CATSPERB: variants seen among roughly 807,000 people sequenced by gnomAD.
The protein encoded by CATSPERB is cation channel sperm-associated auxiliary subunit beta.
A neutral mutation model predicts 128.3 loss-of-function variants in CATSPERB; 93 were observed. The ratio of observed to expected loss-of-function variants is 0.72; its 90% CI spans 0.61 to 0.86. The LOEUF (loss-of-function observed/expected upper bound fraction) is 0.86. Ranked by LOEUF, CATSPERB falls within the 40% of genes least tolerant of loss-of-function variation. The pLI is 0.00. For missense variants in CATSPERB, 1,153 were observed against 1,329.5 expected, an observed-to-expected ratio of 0.87 and a Z score of 2.06; for synonymous variants, 381 against 448.8, an observed-to-expected ratio of 0.85 and a Z score of 1.91.
At chr14:91,600,824 T>G (rs1893596595) in intron 22 of CATSPERB, among the ~76,000 whole-genome samples, 1 of 152,230 alleles carries the variant, frequency 6.6e-6, no homozygotes. Flanking sequence ...GAGTAAATCC[T>G]TGCCCCAAGG....
intron 15 of CATSPERB, among the ~76,000 whole-genome samples, chr14:91,649,115 T>C (rs1412955994): frequency 1.3e-5 from 2 of 152,178 alleles, no homozygotes; most frequent in Non-Finnish European, 2.9e-5. Context: ...CCCTTAGTGA[T>C]TGGAACAGTA....
At chr14:91,639,288 T>C (rs1207855928) in intron 15 of CATSPERB, 38 bp from the exon 16 acceptor site, 5 of 1,576,612 alleles carry the variant, frequency 3.2e-6, no homozygotes, top group South Asian at 1.1e-5. Flanking sequence ...GATACTGATG[T>C]AACAGAAGTC....
At chr14:91,628,931 T>G (rs1894219280) in intron 17 of CATSPERB, among the ~76,000 whole-genome samples, 1 of 152,198 alleles carries the variant, frequency 6.6e-6, no homozygotes, top group African/African-American at 2.4e-5. Flanking sequence ...GAAATGGAAA[T>G]GATACAGCCA....
intron 6 of CATSPERB, among the ~76,000 whole-genome samples, chr14:91,706,582 G>C (rs1895736517): frequency 6.6e-6 from 1 of 152,194 alleles, no homozygotes. Context: ...GCGTGGAGGA[G>C]ATGGAAACAA....
Position 91,672,945 on chromosome 14 carries a change from T to C in CATSPERB, c.1050A>G (p.Gly350=). The change falls in exon 13 of 27, where the codon GGA becomes GGG. Residue 350 remains glycine, a synonymous_variant. Coordinates refer to ENST00000256343, the MANE Select transcript of CATSPERB (RefSeq NM_024764.4). ...WVPCLPHIFK[G]IKIFPTVLTF... ...TTAGCACAGTTGGAAAAATTTTTATTCCTTTAAAAATGTGAGGTAAGCAGG... is the reference window on the plus strand; with the variant it reads ...TTAGCACAGTTGGAAAAATTTTTATCCCTTTAAAAATGTGAGGTAAGCAGG... 6.2e-7 allele frequency: 1 copy of C among 1,604,318 alleles called. No homozygotes were observed. Among genetic ancestry groups the C allele is most frequent in the Non-Finnish European group, 8.5e-7 (1 of 1,177,736 alleles).
chr14:91,704,500 G>A (rs1188101924), intron 7 of CATSPERB, 52 bp downstream of exon 7: 9 of 1,539,412 alleles, frequency 5.8e-6, no homozygotes, highest in South Asian at 1.3e-5. Flanking sequence ...AAACATTACT[G>A]TTACAAAATA....
At chr14:91,718,765 C>T (rs8020971) in intron 5 of CATSPERB, among the ~76,000 whole-genome samples, 18,982 of 152,116 alleles carry the variant, frequency 0.12, 1,350 homozygotes, top group African/African-American at 0.18. Flanking sequence ...TATAAGATGG[C>T]GCATTTTTGT....
At chr14:91,724,641 A>C (rs146688340) in intron 3 of CATSPERB, among the ~76,000 whole-genome samples, 125 of 152,260 alleles carry the variant, frequency 8.2e-4, no homozygotes, top group African/African-American at 2.8e-3. Context: ...GTTTTTAAAA[A>C]GTCTCCCATT....
At chr14:91,676,715 C>T (rs1895197588) in intron 11 of CATSPERB, among the ~76,000 whole-genome samples, 1 of 151,998 alleles carries the variant, frequency 6.6e-6, no homozygotes, top group South Asian at 2.1e-4. Flanking sequence ...TTTTCAAATT[C>T]TGTAAGGAAT....
Position 91,591,983 on chromosome 14 carries a change from T to G in CATSPERB, c.2729A>C (p.Gln910Pro), listed in dbSNP as rs1893413804. The G allele has an allele frequency of 2.5e-6, 4 of 1,613,482 alleles. No individual in the cohort carries two copies. The highest frequency in any genetic ancestry group is 3.4e-6 in the Non-Finnish European group (4 of 1,179,500). ...HMSKKTGKFK[Q>P]CANVSTREEC... The stretch of plus-strand genomic sequence containing the variant: ...CTCCCGAGTGGAAACATTAGCACAC[T>G]GTTTGAATTTACCGGTTTTCTGCAA... The change falls in exon 23 of 27, where the codon CAG becomes CCG. Residue 910 changes from glutamine (Q) to proline (P), a missense_variant. Physicochemically the swap from Gln to Pro is moderately conservative, Grantham distance 76 (BLOSUM62 -1). Coordinates refer to ENST00000256343, the MANE Select transcript of CATSPERB (RefSeq NM_024764.4).
chr14:91,630,414 A>G (rs1342822522), intron 17 of CATSPERB, among the ~76,000 whole-genome samples: 1 of 152,214 alleles, frequency 6.6e-6, no homozygotes, highest in African/African-American at 2.4e-5. Flanking sequence ...CTATGAATTC[A>G]TACATCTAAC....
intron 23 of CATSPERB, among the ~76,000 whole-genome samples, chr14:91,591,609 TACAC>T (rs1161001090): frequency 6.6e-6 from 1 of 151,868 alleles, no homozygotes; most frequent in Non-Finnish European, 1.5e-5. Flanking sequence ...TGCTTTCGTA[TACAC>T]AGGGGTGTGT....
chr14:91,596,949 C>A (rs1276291541), intron 22 of CATSPERB, among the ~76,000 whole-genome samples: 1 of 151,652 alleles, frequency 6.6e-6, no homozygotes, highest in Non-Finnish European at 1.5e-5. Flanking sequence ...TGCAGTGACG[C>A]CATCTCGGCT....
At position 91,624,861 on chromosome 14, in the gene CATSPERB, T is replaced by C. The variant is rs768588947; in HGVS notation, c.1889A>G (p.Asn630Ser). The change falls in exon 18 of 27, where the codon AAT becomes AGT. Residue 630 changes from asparagine (N) to serine (S), a missense_variant. Physicochemically the swap from Asn to Ser is conservative, Grantham distance 46. Coordinates refer to ENST00000256343, the MANE Select transcript of CATSPERB (RefSeq NM_024764.4). ...GAGTTTATAGACATTTCCAGCTTTA[T>C]TAATCAAAAGGGAACTAGACAAACA... is the stretch of plus-strand genomic sequence containing the variant. ...SSCLSSSLLI[N>S]KAGNVYKLTL... 18 of 1,609,596 alleles carry C rather than the reference T, an allele frequency of 1.1e-5. No individual in the cohort carries two copies. The highest frequency in any genetic ancestry group is 8.0e-5 in the African/African-American group (6 of 74,624).
chr14:91,633,994 G>A (rs1012759665), intron 17 of CATSPERB, among the ~76,000 whole-genome samples: 4 of 152,060 alleles, frequency 2.6e-5, no homozygotes, highest in African/African-American at 9.7e-5. Flanking sequence ...AATTATAGTT[G>A]ACCCTTGAAC....
chr14:91,691,994 T>C (rs1457938323), intron 9 of CATSPERB, among the ~76,000 whole-genome samples: 1 of 152,064 alleles, frequency 6.6e-6, no homozygotes, highest in Non-Finnish European at 1.5e-5. Flanking sequence ...CTGGCCAACA[T>C]AGTGAAACTC....
At chr14:91,583,368 G>C (rs987705021) in intron 26 of CATSPERB, among the ~76,000 whole-genome samples, 31 of 152,186 alleles carry the variant, frequency 2.0e-4, no homozygotes, top group African/African-American at 7.2e-4. Flanking sequence ...GCAGTGAGCC[G>C]AGATCGTGCC....
chr14:91,716,585 C>T (rs949116759), intron 5 of CATSPERB, among the ~76,000 whole-genome samples: 1 of 152,022 alleles, frequency 6.6e-6, no homozygotes, highest in African/African-American at 2.4e-5. Flanking sequence ...TCAAAAAAAT[C>T]CAAACAAATA....
chr14:91,675,405 A>C (rs1170352173), intron 11 of CATSPERB, among the ~76,000 whole-genome samples: 3 of 152,214 alleles, frequency 2.0e-5, no homozygotes, highest in Non-Finnish European at 4.4e-5. Context: ...AAGCTAACAG[A>C]CTTCAGAACT....
Sources: gnomAD v4.1 joint callset for allele counts (sites outside exome capture counted in the v4.1 genomes callset) on GRCh38, gnomAD v4.1.1 for gene constraint, MANE v1.5 for transcripts, NCBI Gene and HGNC (gene_info 2026-07-23, HGNC 2026-07-21) for gene names.